The following EIPR1 variants were observed in gnomAD, a reference collection of about 807,000 sequenced individuals.
The protein encoded by EIPR1 is EARP and GARP complex-interacting protein 1.
A neutral mutation model predicts 48.1 loss-of-function variants in EIPR1; 25 were observed. That is an observed-to-expected ratio of 0.52 (90% CI 0.38 to 0.73). EIPR1 has a LOEUF of 0.73. Ranked by LOEUF, EIPR1 falls within the 30% of genes least tolerant of loss-of-function variation. The pLI is 0.00. For synonymous variants in EIPR1, 204 were observed against 201.9 expected (o/e 1.01, Z -0.09); for missense variants, 415 against 506.2 (o/e 0.82, Z 1.73).
At chr2:3,245,842 T>C (rs1351613326) in intron 4 of EIPR1, among the ~76,000 whole-genome samples, 1 of 152,226 alleles carries the variant, frequency 6.6e-6, no homozygotes, top group East Asian at 1.9e-4. Flanking sequence ...GAGGACTGCT[T>C]GCGCCCAGCA....
intron 4 of EIPR1, among the ~76,000 whole-genome samples, chr2:3,227,523 T>C (rs1666102200): frequency 2.0e-5 from 3 of 152,180 alleles, no homozygotes; most frequent in African/African-American, 7.2e-5. Context: ...AGCCTGACTA[T>C]GTAATAGAAA....
At chr2:3,190,471 C>A (rs1454657559) in intron 8 of EIPR1, among the ~76,000 whole-genome samples, 1 of 152,178 alleles carries the variant, frequency 6.6e-6, no homozygotes, top group Admixed American at 6.5e-5. Flanking sequence ...ATGCCAGGTG[C>A]AAATCCTTAG....
Position 3,364,613 on chromosome 2 carries a change from T to G in EIPR1, c.43-9980A>C, listed in dbSNP as rs1400255046. 2.7e-5 allele frequency among the ~76,000 whole-genome samples: 4 copies of G among 149,952 alleles called. No individual in the cohort carries two copies. The Admixed American group carries it at 2.7e-4, about 10-fold the overall frequency. ...TTGTACCACTGCACTCCAGCCTGGG[T>G]GACAGAGTGAGACCCTCCCTGTCTC... On this transcript the variant is annotated intron_variant, in intron 1 of 8. Transcript: ENST00000382125.
chr2:3,219,051 G>A (rs1665761299), intron 4 of EIPR1, among the ~76,000 whole-genome samples: 1 of 151,348 alleles, frequency 6.6e-6, no homozygotes. Context: ...CAGTGACTCA[G>A]GTGCACACCC....
At chr2:3,285,088 G>A (rs1044630739) in intron 3 of EIPR1, among the ~76,000 whole-genome samples, 7 of 152,178 alleles carry the variant, frequency 4.6e-5, no homozygotes, top group Non-Finnish European at 8.8e-5. Context: ...AAATGTCCTC[G>A]TGAAAGATGG....
chr2:3,294,220 C>A (rs551715267), intron 3 of EIPR1, among the ~76,000 whole-genome samples: 3 of 152,034 alleles, frequency 2.0e-5, no homozygotes, highest in Non-Finnish European at 4.4e-5. Flanking sequence ...CGTGACCTGG[C>A]TTTGACCTGT....
At chr2:3,334,243 T>C (rs1035025074) in intron 3 of EIPR1, among the ~76,000 whole-genome samples, 1 of 152,142 alleles carries the variant, frequency 6.6e-6, no homozygotes, top group Non-Finnish European at 1.5e-5. Flanking sequence ...AGAGGATAAA[T>C]TGCAACTCTG....
intron 3 of EIPR1, among the ~76,000 whole-genome samples, chr2:3,293,049 T>C (rs970952900): frequency 2.0e-5 from 3 of 152,222 alleles, no homozygotes; most frequent in East Asian, 1.9e-4. Flanking sequence ...TCTGCACCCA[T>C]GTGCATTCTC....
chr2:3,222,822 C>G (rs1665940299), intron 4 of EIPR1, among the ~76,000 whole-genome samples: 1 of 152,108 alleles, frequency 6.6e-6, no homozygotes, highest in Non-Finnish European at 1.5e-5. Flanking sequence ...TATCATCTTG[C>G]TAGGAGTCTA....
intron 2 of EIPR1, among the ~76,000 whole-genome samples, chr2:3,341,363 T>C (rs916511047): frequency 7.9e-5 from 12 of 152,008 alleles, no homozygotes; most frequent in African/African-American, 2.9e-4. Context: ...TCTGCTGGGG[T>C]GTCCTTCATG....
chr2:3,257,647 C>T (rs915721059), intron 3 of EIPR1, 192 bp from the exon 4 acceptor site: 11 of 499,868 alleles, frequency 2.2e-5, no homozygotes, highest in African/African-American at 5.9e-5. Flanking sequence ...CGGCACGGTT[C>T]GTAATCAGCA....
intron 3 of EIPR1, among the ~76,000 whole-genome samples, chr2:3,334,160 G>A (rs369903918): frequency 8.5e-5 from 13 of 152,294 alleles, no homozygotes; most frequent in Middle Eastern, 3.4e-3. Flanking sequence ...AGGAAACGCC[G>A]CAAGATGCCT....
At chr2:3,245,517 T>TC (rs1666770267) in intron 4 of EIPR1, among the ~76,000 whole-genome samples, 1 of 152,226 alleles carries the variant, frequency 6.6e-6, no homozygotes, top group South Asian at 2.1e-4. Context: ...CCAGCCTCAT[T>TC]CCCCATTTTA....
intron 3 of EIPR1, among the ~76,000 whole-genome samples, chr2:3,277,557 C>T (rs1347438799): frequency 6.6e-6 from 1 of 152,206 alleles, no homozygotes. Flanking sequence ...AACTCACTTA[C>T]CCGGTGAACA....
chr2:3,318,792 G>C (rs558124356), intron 3 of EIPR1: 1 of 460,968 alleles, frequency 2.2e-6, no homozygotes, highest in East Asian at 7.1e-5. Flanking sequence ...GCTACTCCTC[G>C]ATCGCCACAC....
chr2:3,366,883 T>C (rs1670986279), intron 1 of EIPR1, among the ~76,000 whole-genome samples: 1 of 151,854 alleles, frequency 6.6e-6, no homozygotes. Context: ...TGAAACCCCA[T>C]CTCTACTAAA....
chr2:3,364,014 A>T (rs10210641), intron 1 of EIPR1, among the ~76,000 whole-genome samples: 74,547 of 152,010 alleles, frequency 0.49, 19,764 homozygotes, highest in Admixed American at 0.61. Context: ...AGAAAATAGC[A>T]GATGCTGGCA....
intron 2 of EIPR1, chr2:3,353,423 A>C (rs1274084913): frequency 1.5e-5 from 6 of 413,176 alleles, no homozygotes; most frequent in African/African-American, 4.1e-5. Context: ...ACGATTCTTA[A>C]GTTGTCATGT....
chr2:3,369,023 GACAA>G (rs1490452767), intron 1 of EIPR1, among the ~76,000 whole-genome samples: 1 of 151,876 alleles, frequency 6.6e-6, no homozygotes, highest in Non-Finnish European at 1.5e-5. Context: ...GAATGTCACT[GACAA>G]ACAAACAAAA....
Sources: allele counts gnomAD v4.1 joint callset (sites outside exome capture counted in the v4.1 genomes callset), GRCh38; gene constraint gnomAD v4.1.1; transcripts MANE v1.5; gene names NCBI Gene and HGNC (gene_info 2026-07-23, HGNC 2026-07-21).